MATCAP2: variants seen among roughly 807,000 people sequenced by gnomAD.
MATCAP2 encodes the protein microtubule associated tyrosine carboxypeptidase 2.
chr7:36,371,949 A>G, the MATCAP2 span, among the ~76,000 whole-genome samples: 4 of 152,038 alleles, frequency 2.6e-5, no homozygotes, highest in African/African-American at 9.7e-5. Flanking sequence ...TCCTGGCCTC[A>G]AGCAATCCTC....
the MATCAP2 span, among the ~76,000 whole-genome samples, chr7:36,388,399 G>A: frequency 2.0e-5 from 3 of 151,902 alleles, no homozygotes; most frequent in South Asian, 4.2e-4. Flanking sequence ...TTTCAGTCAC[G>A]TACAATTTAT....
the MATCAP2 span, chr7:36,383,872 C>A: frequency 6.2e-7 from 1 of 1,603,290 alleles, no homozygotes; most frequent in Admixed American, 1.7e-5. Flanking sequence ...AGGTAGAGAA[C>A]TTGAGTTTAG....
chr7:36,384,287 T>A, the MATCAP2 span, among the ~76,000 whole-genome samples: 1 of 152,204 alleles, frequency 6.6e-6, no homozygotes, highest in African/African-American at 2.4e-5. Flanking sequence ...AGACTCTTGG[T>A]TCTATTCTTA....
the MATCAP2 span, among the ~76,000 whole-genome samples, chr7:36,366,486 T>TAC: frequency 2.4e-3 from 372 of 152,332 alleles, 2 homozygotes; most frequent in African/African-American, 8.7e-3. Flanking sequence ...AATAAAAGCA[T>TAC]ACACACACAA....
the MATCAP2 span, chr7:36,330,953 G>A: frequency 7.7e-5 from 101 of 1,319,314 alleles, no homozygotes; most frequent in Middle Eastern, 1.8e-4. Context: ...TGGGGTGTTC[G>A]GGGACTATGT....
At chr7:36,371,314 A>G in the MATCAP2 span, among the ~76,000 whole-genome samples, 5 of 152,028 alleles carry the variant, frequency 3.3e-5, no homozygotes, top group Non-Finnish European at 7.4e-5. Context: ...GGGTTTTGCC[A>G]TGTTGCCAGG....
chr7:36,335,304 C>G, the MATCAP2 span: 1 of 885,664 alleles, frequency 1.1e-6, no homozygotes, highest in Non-Finnish European at 1.8e-6. Context: ...CTTAAATCTC[C>G]CAGAAACCAA....
the MATCAP2 span, among the ~76,000 whole-genome samples, chr7:36,371,095 C>T: frequency 1.3e-5 from 2 of 151,978 alleles, no homozygotes; most frequent in East Asian, 1.9e-4. Flanking sequence ...AGGTAAAGAA[C>T]GTATTTATTT....
At chr7:36,325,009 G>A in the MATCAP2 span, 1 of 152,196 alleles carries the variant, frequency 6.6e-6, no homozygotes, top group African/African-American at 2.4e-5. Flanking sequence ...TGAATCACAG[G>A]ACATAAATAT....
At chr7:36,387,976 A>G in the MATCAP2 span, among the ~76,000 whole-genome samples, 1 of 152,208 alleles carries the variant, frequency 6.6e-6, no homozygotes, top group Non-Finnish European at 1.5e-5. Flanking sequence ...CATAAGTAAC[A>G]CATTCTGGGT....
the MATCAP2 span, among the ~76,000 whole-genome samples, chr7:36,381,745 G>A: frequency 1.3e-5 from 2 of 152,008 alleles, no homozygotes; most frequent in African/African-American, 4.8e-5. Context: ...TTTCTTGAGG[G>A]CCTATTAAGT....
At chr7:36,371,880 A>G in the MATCAP2 span, among the ~76,000 whole-genome samples, 1 of 152,036 alleles carries the variant, frequency 6.6e-6, no homozygotes, top group East Asian at 1.9e-4. Context: ...AGTAGCTGGG[A>G]CCACAGGCAC....
chr7:36,333,089 A>C, the MATCAP2 span, among the ~76,000 whole-genome samples: 1 of 152,140 alleles, frequency 6.6e-6, no homozygotes, highest in African/African-American at 2.4e-5. Context: ...ACTTCAGCAG[A>C]CTTAAACGTT....
chr7:36,355,264 A>C, the MATCAP2 span: 1 of 152,378 alleles, frequency 6.6e-6, no homozygotes, highest in Admixed American at 6.5e-5. Flanking sequence ...ATATGCACTA[A>C]GCATTCTCTC....
At chr7:36,357,174 G>A in the MATCAP2 span, 1 of 1,614,170 alleles carries the variant, frequency 6.2e-7, no homozygotes, top group East Asian at 2.2e-5. Context: ...GGTTTAGGTG[G>A]CAGTACTATG....
the MATCAP2 span, among the ~76,000 whole-genome samples, chr7:36,346,863 C>T: frequency 2.6e-5 from 4 of 152,290 alleles, no homozygotes; most frequent in African/African-American, 4.8e-5. Flanking sequence ...CGGGTTCAAG[C>T]GATTCTCCTG....
the MATCAP2 span, among the ~76,000 whole-genome samples, chr7:36,378,780 G>A: frequency 6.6e-6 from 1 of 152,204 alleles, no homozygotes; most frequent in Non-Finnish European, 1.5e-5. Context: ...TGGCTGCTTT[G>A]TTTACCTACT....
chr7:36,374,713 G>A, the MATCAP2 span, among the ~76,000 whole-genome samples: 199 of 152,066 alleles, frequency 1.3e-3, no homozygotes, highest in Admixed American at 3.1e-3. Flanking sequence ...AACAGGCCCC[G>A]GTGTGTGACG....
At chr7:36,387,268 C>T in the MATCAP2 span, among the ~76,000 whole-genome samples, 1 of 151,670 alleles carries the variant, frequency 6.6e-6, no homozygotes, top group Admixed American at 6.6e-5. Context: ...ATAGTTTTAC[C>T]CTGGAAGAGT....
Sources: allele counts gnomAD v4.1 joint callset (sites outside exome capture counted in the v4.1 genomes callset), GRCh38; gene constraint gnomAD v4.1.1; transcripts MANE v1.5; gene names NCBI Gene and HGNC (gene_info 2026-07-23, HGNC 2026-07-21).